The following PPP4R3A variants were observed in gnomAD, a reference collection of about 807,000 sequenced individuals.
PPP4R3A encodes serine/threonine-protein phosphatase 4 regulatory subunit 3A.
PPP4R3A carries 15 observed loss-of-function variants against 91.7 expected under a neutral mutation model. That is an observed-to-expected ratio of 0.16 (90% CI 0.11 to 0.25). PPP4R3A has a LOEUF of 0.25. Ranked by LOEUF, PPP4R3A falls within the 10% of genes least tolerant of loss-of-function variation. The probability of loss-of-function intolerance (pLI) is 1.00; values close to 1 mark genes in which losing one functional copy is unlikely to be tolerated. For synonymous variants in PPP4R3A, 377 were observed against 348.7 expected, an observed-to-expected ratio of 1.08 and a Z score of -0.91; for missense variants, 623 against 998.4, an observed-to-expected ratio of 0.62 and a Z score of 5.07.
chr14:91,509,097 G>A (rs937666645), intron 1 of PPP4R3A, among the ~76,000 whole-genome samples: 5 of 152,224 alleles, frequency 3.3e-5, no homozygotes, highest in African/African-American at 1.2e-4. Context: ...AACTTTCTTA[G>A]CTCCAAGCAA....
At chr14:91,488,977 G>A (rs1170687002) in intron 2 of PPP4R3A, among the ~76,000 whole-genome samples, 3 of 142,512 alleles carry the variant, frequency 2.1e-5, no homozygotes, top group Non-Finnish European at 3.0e-5. Flanking sequence ...GCGCAATCTC[G>A]GCTCACTGCA....
intron 3 of PPP4R3A, among the ~76,000 whole-genome samples, chr14:91,484,648 GT>G (rs1889778545): frequency 6.6e-6 from 1 of 152,176 alleles, no homozygotes; most frequent in African/African-American, 2.4e-5. Flanking sequence ...CCTACTTGCA[GT>G]TTTTGATCCA....
chr14:91,478,173 A>AC (rs1889324253), intron 4 of PPP4R3A, among the ~76,000 whole-genome samples: 1 of 152,336 alleles, frequency 6.6e-6, no homozygotes, highest in African/African-American at 2.4e-5. Flanking sequence ...AATAGGTCAT[A>AC]CCTCATTAAT....
At position 91,458,808 on chromosome 14, in the gene PPP4R3A, T is replaced by A; in HGVS notation, c.2453A>T (p.Asp818Val). ...TGACAATGGTAACGTATCTTCCTTA[T>A]CTTCATCCTCATCATCATCTTCATC... Reference protein sequence around the residue: ...DDDEDDDEDEDKEDTLPLSKK... With the variant: ...DDDEDDDEDEVKEDTLPLSKK... The change falls in exon 15 of 15, where the codon GAT becomes GTT. Residue 818 changes from aspartate to valine, a missense_variant. This residue lies in a region of PPP4R3A where 201 missense variants were observed against 229.9 expected (regional missense o/e 0.87). Transcript: ENST00000554943. 6.2e-7 allele frequency: 1 copy of A among 1,614,074 alleles called. No homozygotes were observed. The highest frequency in any genetic ancestry group is 1.7e-5 in the Admixed American group (1 of 60,026).
rs756021186 is a variant in PPP4R3A at position 91,481,834 on chromosome 14, G to A, written c.657C>T (p.Asp219=). ...GATCATATTCTAAACATCCAATGAC[G>A]TCCATTATACATTCTTCAGAGAACA... The part of the protein sequence containing the change: ...EVMFSEECIM[D]VIGCLEYDPA... Residue 219 remains aspartate, a synonymous_variant, in exon 4 of 15, where the codon GAC becomes GAT. Transcript: ENST00000554943. 25 of 1,613,966 alleles carry A rather than the reference G, an allele frequency of 1.5e-5. No individual in the cohort carries two copies. The highest frequency in any genetic ancestry group is 1.2e-4 in the Admixed American group (7 of 59,988).
At chr14:91,490,047 G>GT (rs1595076713) in intron 2 of PPP4R3A, among the ~76,000 whole-genome samples, 1 of 152,158 alleles carries the variant, frequency 6.6e-6, no homozygotes, top group South Asian at 2.1e-4. Context: ...TAACTATTTT[G>GT]TATCTGCATC....
At chr14:91,479,403 T>G (rs996955268) in intron 4 of PPP4R3A, among the ~76,000 whole-genome samples, 12 of 151,898 alleles carry the variant, frequency 7.9e-5, no homozygotes, top group Non-Finnish European at 1.6e-4. Flanking sequence ...GGTCTCACTC[T>G]GTTGCTCAGG....
chr14:91,472,173 ACACACG>A (rs1256122857), intron 9 of PPP4R3A, among the ~76,000 whole-genome samples: 22 of 152,204 alleles, frequency 1.4e-4, no homozygotes, highest in East Asian at 1.3e-3. Flanking sequence ...CCTAAATTAA[ACACACG>A]CACACGCACG....
At chr14:91,476,824 CA>C (rs1384185456) in intron 5 of PPP4R3A, 84 bp downstream of exon 5, 15 of 1,211,920 alleles carry the variant, frequency 1.2e-5, no homozygotes, top group Middle Eastern at 2.7e-4. Context: ...CTCGGCCTCC[CA>C]AAGTGCTGGG....
At chr14:91,488,419 T>C (rs565377435) in intron 2 of PPP4R3A, among the ~76,000 whole-genome samples, 1 of 152,264 alleles carries the variant, frequency 6.6e-6, no homozygotes, top group South Asian at 2.1e-4. Flanking sequence ...CCACTTTTTA[T>C]ACTATCTTAA....
rs1363552449 is a variant in PPP4R3A, at chr14:91,490,784, G to A, written c.161C>T (p.Ser54Leu). ...GTATGCAGTGTTAGGATTTATTTTC[G>A]ACTCTAAAAGTAGAGAACCTAGGAA... is the stretch of plus-strand genomic sequence containing the variant. ...AESDGSLLLE[S>L]KINPNTAYQK... is the part of the protein sequence containing the mutation. The change falls in exon 2 of 15, where the codon TCG (serine) becomes TTG (leucine). Residue 54 changes from serine (S) to leucine (L), a missense_variant. Ser to Leu is a moderately radical substitution (Grantham distance 145). Transcript: ENST00000554943. 5 of 1,607,428 alleles carry A rather than the reference G, an allele frequency of 3.1e-6. No homozygotes were observed. The highest frequency in any genetic ancestry group is 1.3e-5 in the African/African-American group (1 of 74,086).
intron 11 of PPP4R3A, among the ~76,000 whole-genome samples, chr14:91,464,086 G>A (rs182277397): frequency 6.6e-6 from 1 of 152,308 alleles, no homozygotes; most frequent in East Asian, 1.9e-4. Context: ...AGTTTGGGAG[G>A]CCAAGGTGGG....
At chr14:91,490,670 T>C in intron 2 of PPP4R3A, 77 bp downstream of exon 2, 1 of 1,179,098 alleles carries the variant, frequency 8.5e-7, no homozygotes, top group South Asian at 1.4e-5. Context: ...AATTTTTCAC[T>C]ATAAGCAATC....
At chr14:91,499,696 C>G (rs2140155760) in intron 1 of PPP4R3A, among the ~76,000 whole-genome samples, 1 of 151,936 alleles carries the variant, frequency 6.6e-6, no homozygotes, top group Admixed American at 6.6e-5. Flanking sequence ...TGGTGCGTGC[C>G]TGTAAATCCA....
At chr14:91,471,218 A>G (rs1355199169) in intron 9 of PPP4R3A, among the ~76,000 whole-genome samples, 1 of 152,182 alleles carries the variant, frequency 6.6e-6, no homozygotes, top group Non-Finnish European at 1.5e-5. Context: ...ACTGTTTCAC[A>G]TTATGAGCCT....
chr14:91,460,290 G>A (rs1482789076), intron 14 of PPP4R3A, among the ~76,000 whole-genome samples: 12 of 152,052 alleles, frequency 7.9e-5, no homozygotes. Flanking sequence ...TGGGATTACG[G>A]GCGTAAGCCA....
intron 1 of PPP4R3A, among the ~76,000 whole-genome samples, chr14:91,507,903 C>T (rs545808041): frequency 7.2e-5 from 11 of 152,002 alleles, no homozygotes; most frequent in Admixed American, 1.3e-4. Flanking sequence ...GGGTGGACTG[C>T]GTGAGGTCAG....
intron 1 of PPP4R3A, among the ~76,000 whole-genome samples, chr14:91,499,013 TTGATCTCA>T (rs1266380929): frequency 4.0e-5 from 6 of 151,894 alleles, no homozygotes; most frequent in Admixed American, 6.6e-5. Context: ...TCTTGATCTC[TTGATCTCA>T]TGATCTGCCC....
chr14:91,495,755 A>C (rs1890524501), intron 1 of PPP4R3A, among the ~76,000 whole-genome samples: 1 of 152,126 alleles, frequency 6.6e-6, no homozygotes, highest in South Asian at 2.1e-4. Context: ...TGTCTCTATA[A>C]AAAAATTTTA....
Sources: gnomAD v4.1 joint callset for allele counts (sites outside exome capture counted in the v4.1 genomes callset) on GRCh38, gnomAD v4.1.1 for gene constraint, gnomAD v4.1.1 regional missense constraint, MANE v1.5 for transcripts, NCBI Gene and HGNC (gene_info 2026-07-23, HGNC 2026-07-21) for gene names.